PCDHGA12: variants seen among roughly 807,000 people sequenced by gnomAD.
The protein encoded by PCDHGA12 is protocadherin gamma subfamily A, 12, also known as protocadherin gamma-A12.
PCDHGA12 carries 43 observed loss-of-function variants against 61.1 expected under a neutral mutation model. The ratio of observed to expected loss-of-function variants is 0.70; its 90% CI spans 0.55 to 0.91. The LOEUF (loss-of-function observed/expected upper bound fraction) is 0.91. Among genes scored for constraint, PCDHGA12 ranks in the 40% least tolerant of loss-of-function variants. The pLI is 0.00. For missense variants in PCDHGA12, 1,236 were observed against 1,227.7 expected (o/e 1.01, Z -0.10); for synonymous variants, 520 against 542.9 (o/e 0.96, Z 0.59).
intron 2 of PCDHGA12, among the ~76,000 whole-genome samples, chr5:141,503,598 C>CAAAAAAA (rs765754054): frequency 1.5e-5 from 1 of 65,730 alleles, no homozygotes; most frequent in Non-Finnish European, 3.4e-5. Flanking sequence ...GACTCCAGCT[C>CAAAAAAA]AAAAAAAAAA....
At position 141,430,846 on chromosome 5, in the gene PCDHGA12, C is replaced by CCA; in HGVS notation, c.88_89dup (p.Gln30HisfsTer49). ...GGACTCTGTGGGAGACCGGATGCAC[C>CCA]CAGATACGCTATTCAGTTCCGGAAG... On this transcript the variant is annotated frameshift_variant, in exon 1 of 4. Transcript: ENST00000252085. LOFTEE classifies it high-confidence loss of function. The CCA allele has an allele frequency of 6.3e-7, 1 of 1,576,346 alleles. No individual in the cohort carries two copies. The highest frequency in any genetic ancestry group is 8.6e-7 in the Non-Finnish European group (1 of 1,163,796).
At chr5:141,470,628 G>T (rs1475199767) in intron 1 of PCDHGA12, among the ~76,000 whole-genome samples, 12 of 152,146 alleles carry the variant, frequency 7.9e-5, no homozygotes, top group Admixed American at 7.9e-4. Flanking sequence ...GCTTAGATAG[G>T]CCCCCTTGCT....
rs773688197 is a variant in PCDHGA12, at chr5:141,432,412, C to T, written c.1653C>T (p.Phe551=). The change falls in exon 1 of 4, where the codon TTC becomes TTT. Residue 551 remains phenylalanine (F), a synonymous_variant. Transcript: ENST00000252085. This position sits in a 1 kb window ranked among gnomAD's most constrained non-coding sequence, Gnocchi z 6.0. ...GCAGCAACGTGTCGTTGAGCCTGTT[C>T]GTGCTGGACCAGAACGACAATGCGC... ...PLSSNVSLSL[F]VLDQNDNAPE... 5 of 1,614,128 alleles carry T rather than the reference C, an allele frequency of 3.1e-6. No individual in the cohort carries two copies. The highest frequency in any genetic ancestry group is 4.5e-5 in the East Asian group (2 of 44,894).
intron 1 of PCDHGA12, among the ~76,000 whole-genome samples, chr5:141,445,945 C>G (rs1433543714): frequency 1.3e-5 from 2 of 152,254 alleles, no homozygotes; most frequent in Non-Finnish European, 2.9e-5. Flanking sequence ...TAAGCTTACT[C>G]TGGCTGCTAT....
intron 1 of PCDHGA12, among the ~76,000 whole-genome samples, chr5:141,465,159 A>C (rs1333891587): frequency 6.6e-6 from 1 of 151,952 alleles, no homozygotes; most frequent in East Asian, 1.9e-4. Flanking sequence ...AGGGACTCTA[A>C]ATGTTTATGA....
At chr5:141,502,864 G>GTTTTTTTT in intron 2 of PCDHGA12, among the ~76,000 whole-genome samples, 3 of 61,566 alleles carry the variant, frequency 4.9e-5, no homozygotes, top group African/African-American at 2.4e-4. Context: ...CTGACTCTCT[G>GTTTTTTTT]TCTTTTTTTT....
At chr5:141,501,238 G>A (rs1482962385) in intron 2 of PCDHGA12, among the ~76,000 whole-genome samples, 2 of 151,018 alleles carry the variant, frequency 1.3e-5, no homozygotes, top group African/African-American at 4.9e-5. Flanking sequence ...AGTTTTTTGA[G>A]CATGATGTAG....
rs762225174 is a variant in PCDHGA12, at chr5:141,433,103, C to T, written c.2344C>T (p.Gln782Ter). The T allele has an allele frequency of 1.9e-6, 3 of 1,614,126 alleles. No homozygotes were observed. Among genetic ancestry groups the T allele is most frequent in the Non-Finnish European group, 2.5e-6 (3 of 1,180,016 alleles). Residue 782 changes from glutamine to a stop codon, truncating the protein, a stop_gained, in exon 1 of 4, where the codon CAG (glutamine) becomes TAG (stop). Transcript: ENST00000252085. LOFTEE classifies it high-confidence loss of function. ...QPNYADMLVS[Q>*]ESFEKSEPLL... ...CAACTATGCAGACATGCTCGTCAGCCAGGAGAGCTTTGAAAAAAGCGAGCC... is the reference window on the plus strand; with the variant it reads ...CAACTATGCAGACATGCTCGTCAGCTAGGAGAGCTTTGAAAAAAGCGAGCC...
At chr5:141,504,236 C>A (rs1011850372) in intron 2 of PCDHGA12, among the ~76,000 whole-genome samples, 2 of 152,194 alleles carry the variant, frequency 1.3e-5, no homozygotes, top group African/African-American at 4.8e-5. Flanking sequence ...TTCTAAGAAG[C>A]AGAGAGTTCT....
chr5:141,448,338 T>A (rs1053822287), intron 1 of PCDHGA12, among the ~76,000 whole-genome samples: 1 of 152,192 alleles, frequency 6.6e-6, no homozygotes, highest in African/African-American at 2.4e-5. Context: ...TATAGCCATG[T>A]ACCTCAATCT....
chr5:141,446,778 T>C (rs2098515519), intron 1 of PCDHGA12, among the ~76,000 whole-genome samples: 1 of 152,116 alleles, frequency 6.6e-6, no homozygotes, highest in South Asian at 2.1e-4. Flanking sequence ...GTTACCATTC[T>C]TTTACTCTGA....
At chr5:141,500,723 G>A (rs6875791) in intron 2 of PCDHGA12, among the ~76,000 whole-genome samples, 4,890 of 152,100 alleles carry the variant, frequency 0.032, 255 homozygotes, top group African/African-American at 0.11. Flanking sequence ...ATTTCCCCAT[G>A]TCTTTCAAAA....
At chr5:141,501,330 CACA>C (rs1301023208) in intron 2 of PCDHGA12, among the ~76,000 whole-genome samples, 82 of 151,502 alleles carry the variant, frequency 5.4e-4, no homozygotes, top group Admixed American at 2.2e-3. Flanking sequence ...CACACACACA[CACA>C]CCCCAAACTC....
chr5:141,476,412 G>T lies in PCDHGA12; in HGVS notation c.2425-18395G>T. The T allele has an allele frequency of 1.2e-6, 2 of 1,614,140 alleles. No homozygotes were observed. Among genetic ancestry groups the T allele is most frequent in the Non-Finnish European group, 1.7e-6 (2 of 1,180,010 alleles). On this transcript the variant is annotated intron_variant, in intron 1 of 3. Coordinates refer to ENST00000252085, the MANE Select transcript of PCDHGA12 (RefSeq NM_003735.3). The surrounding 1 kb of genome is among the most constrained non-coding windows in gnomAD (Gnocchi z 7.6). ...CGTCTGGATCGAGAGGAGCTGTGTGGGACACTGCCCTCTTGCACTGTAACT... is the reference window on the plus strand; with the variant it reads ...CGTCTGGATCGAGAGGAGCTGTGTGTGACACTGCCCTCTTGCACTGTAACT...
chr5:141,476,382 A>G lies in PCDHGA12; in HGVS notation c.2425-18425A>G, dbSNP rs777831089. ...CGGGAGACCGGAGAGATGTTTGTGA[A>G]CGACCGTCTGGATCGAGAGGAGCTG... On this transcript the variant is annotated intron_variant, in intron 1 of 3. Transcript: ENST00000252085. This position sits in a 1 kb window ranked among gnomAD's most constrained non-coding sequence, Gnocchi z 7.6. 3.7e-6 allele frequency: 6 copies of G among 1,613,866 alleles called. No individual in the cohort carries two copies. The East Asian group carries it at 1.3e-4, about 36-fold the overall frequency.
Position 141,489,653 on chromosome 5 carries a change from G to C in PCDHGA12, c.2425-5154G>C. ...TCTCCTAGCTTTGCCACCCCTGAGCGAGAGATGCGCATCTCAGAATCAGCA... is the reference window on the plus strand; with the variant it reads ...TCTCCTAGCTTTGCCACCCCTGAGCCAGAGATGCGCATCTCAGAATCAGCA... On this transcript the variant is annotated intron_variant, in intron 1 of 3. Coordinates refer to ENST00000252085, the MANE Select transcript of PCDHGA12 (RefSeq NM_003735.3). The surrounding 1 kb of genome is among the most constrained non-coding windows in gnomAD (Gnocchi z 4.5). 3 of 1,614,164 alleles carry C rather than the reference G, an allele frequency of 1.9e-6. No individual in the cohort carries two copies. The highest frequency in any genetic ancestry group is 2.5e-6 in the Non-Finnish European group (3 of 1,180,018).
intron 1 of PCDHGA12, among the ~76,000 whole-genome samples, chr5:141,434,982 A>G (rs908716553): frequency 3.3e-5 from 5 of 152,084 alleles, no homozygotes; most frequent in East Asian, 1.9e-4. Flanking sequence ...TTAATACTCT[A>G]TATCATTTTC....
rs1157645386 is a variant in PCDHGA12 at position 141,477,622 on chromosome 5, A to C, written c.2425-17185A>C. On this transcript the variant is annotated intron_variant, in intron 1 of 3. Coordinates refer to ENST00000252085, the MANE Select transcript of PCDHGA12 (RefSeq NM_003735.3). This position sits in a 1 kb window ranked among gnomAD's most constrained non-coding sequence, Gnocchi z 4.9. ...TCTTTCTCTTGGAGCAAGGAGCTGA[A>C]ACCGGGCTAGTGGGTCGCTATTTCA... 1 of 1,614,108 alleles carries C rather than the reference A, an allele frequency of 6.2e-7. No homozygotes were observed. The highest frequency in any genetic ancestry group is 2.2e-5 in the East Asian group (1 of 44,904).
intron 2 of PCDHGA12, among the ~76,000 whole-genome samples, chr5:141,502,135 G>A (rs1254187943): frequency 6.6e-6 from 1 of 152,154 alleles, no homozygotes; most frequent in East Asian, 1.9e-4. Context: ...GAGCTCAGTC[G>A]GGCCGGAAGT....
Sources: allele counts gnomAD v4.1 joint callset (sites outside exome capture counted in the v4.1 genomes callset), GRCh38; gene constraint gnomAD v4.1.1; non-coding constraint Gnocchi (gnomAD v3.1); transcripts MANE v1.5; gene names NCBI Gene and HGNC (gene_info 2026-07-23, HGNC 2026-07-21).